Variants in SCAI observed in about 807,000 individuals in gnomAD.
SCAI encodes protein SCAI.
SCAI carries 24 observed loss-of-function variants against 92.2 expected under a neutral mutation model. That is an observed-to-expected ratio of 0.26 (90% CI 0.19 to 0.37). The LOEUF is 0.37. SCAI is among the 10% of genes least tolerant of loss of function. The pLI, the probability that SCAI is intolerant of heterozygous loss-of-function variation, is 1.00. For synonymous variants in SCAI, 261 were observed against 258.6 expected, an observed-to-expected ratio of 1.01 and a Z score of -0.09; for missense variants, 450 against 736.2, an observed-to-expected ratio of 0.61 and a Z score of 4.50.
At chr9:125,013,561 C>T (rs567501095) in intron 9 of SCAI, among the ~76,000 whole-genome samples, 15 of 152,278 alleles carry the variant, frequency 9.9e-5, no homozygotes, top group Middle Eastern at 3.4e-3. Flanking sequence ...CAAAAAGAGT[C>T]CAGGACCAGA....
intron 14 of SCAI, among the ~76,000 whole-genome samples, chr9:124,994,466 C>A (rs1307303105): frequency 6.6e-6 from 1 of 152,074 alleles, no homozygotes; most frequent in Non-Finnish European, 1.5e-5. Context: ...GTGATTGTCA[C>A]AAATTTTCAA....
At chr9:125,051,211 T>C (rs974906856) in intron 3 of SCAI, among the ~76,000 whole-genome samples, 7 of 151,460 alleles carry the variant, frequency 4.6e-5, no homozygotes, top group Admixed American at 1.3e-4. Context: ...TTAGTAGAGA[T>C]GGGGTTTCAC....
intron 12 of SCAI, among the ~76,000 whole-genome samples, chr9:125,000,697 A>G (rs1270058041): frequency 6.6e-6 from 1 of 152,064 alleles, no homozygotes; most frequent in South Asian, 2.1e-4. Flanking sequence ...TAAATGAGCC[A>G]CTAACTGTAA....
intron 17 of SCAI, chr9:124,968,431 A>G: frequency 9.2e-7 from 1 of 1,089,488 alleles, no homozygotes; most frequent in Non-Finnish European, 1.4e-6. Context: ...GTCCAGTCAT[A>G]ACGCTTGAGT....
intron 14 of SCAI, among the ~76,000 whole-genome samples, chr9:124,992,287 A>C (rs1004855481): frequency 6.6e-6 from 1 of 152,162 alleles, no homozygotes. Flanking sequence ...CTACATGCTT[A>C]AATTAAATGT....
At chr9:125,137,602 T>C (rs909754274) in intron 2 of SCAI, among the ~76,000 whole-genome samples, 3 of 152,100 alleles carry the variant, frequency 2.0e-5, no homozygotes, top group African/African-American at 7.2e-5. Flanking sequence ...TAAGAAGCAA[T>C]CTTTATTTAT....
intron 9 of SCAI, among the ~76,000 whole-genome samples, chr9:125,008,133 C>T (rs539174380): frequency 2.2e-4 from 34 of 151,416 alleles, no homozygotes; most frequent in Non-Finnish European, 4.9e-4. Context: ...GCGTGAGCCA[C>T]CGTGCCCGGC....
At chr9:125,039,315 A>C (rs1448613900) in intron 3 of SCAI, among the ~76,000 whole-genome samples, 1 of 151,622 alleles carries the variant, frequency 6.6e-6, no homozygotes, top group Admixed American at 6.6e-5. Context: ...TGAATCTGGG[A>C]AGTGGAGGCT....
intron 2 of SCAI, among the ~76,000 whole-genome samples, chr9:125,136,071 C>A (rs1044999666): frequency 2.0e-5 from 3 of 151,692 alleles, no homozygotes; most frequent in Non-Finnish European, 4.4e-5. Context: ...CATAGCAGAC[C>A]CGTTCAATCA....
chr9:124,963,561 C>T (rs1044770018), intron 17 of SCAI, among the ~76,000 whole-genome samples: 31 of 151,574 alleles, frequency 2.0e-4, no homozygotes, highest in African/African-American at 7.3e-4. Flanking sequence ...ACCAGGTTGG[C>T]CAACATGGCG....
chr9:124,973,650 T>A (rs919749587), intron 15 of SCAI, among the ~76,000 whole-genome samples: 2 of 151,742 alleles, frequency 1.3e-5, no homozygotes, highest in Admixed American at 1.3e-4. Context: ...GGCCAACATT[T>A]TTAGTCTCTC....
intron 2 of SCAI, among the ~76,000 whole-genome samples, chr9:125,059,733 T>C (rs527274326): frequency 6.6e-6 from 1 of 152,184 alleles, no homozygotes; most frequent in Non-Finnish European, 1.5e-5. Context: ...TCATTACTGG[T>C]AAATTACTCA....
chr9:125,054,835 G>A (rs1720369831), intron 3 of SCAI, among the ~76,000 whole-genome samples: 2 of 152,106 alleles, frequency 1.3e-5, no homozygotes, highest in Admixed American at 1.3e-4. Flanking sequence ...CAAGACATGG[G>A]CTTAAAAACT....
In SCAI at chr9:125,135,982, A is replaced by C. The variant is rs569877871; in HGVS notation, c.98+6651T>G. On this transcript the variant is annotated intron_variant, in intron 2 of 17. Coordinates refer to ENST00000336505, the MANE Select transcript of SCAI (RefSeq NM_001144877.3). ...AACTCCATCTCAAACAAAAAAAAAA[A>C]AAACAAAAAAAAAACCATAATTCTG... Among the ~76,000 whole-genome samples the C allele has an allele frequency of 3.6e-4, 54 of 151,936 alleles. No individual in the cohort carries two copies. The East Asian group carries it at 5.6e-3, about 16-fold the overall frequency.
intron 3 of SCAI, among the ~76,000 whole-genome samples, chr9:125,032,614 T>C (rs910160972): frequency 1.6e-5 from 2 of 125,870 alleles, no homozygotes; most frequent in Non-Finnish European, 3.3e-5. Flanking sequence ...ACTAATATTA[T>C]GCTTTTTTTT....
At chr9:125,125,561 G>A (rs962910582) in intron 2 of SCAI, among the ~76,000 whole-genome samples, 2 of 150,784 alleles carry the variant, frequency 1.3e-5, no homozygotes. Flanking sequence ...AAACTGAACT[G>A]CCCTTTAATC....
At chr9:124,976,285 C>A in intron 14 of SCAI, 99 bp from the exon 15 acceptor site, 1 of 783,746 alleles carries the variant, frequency 1.3e-6, no homozygotes. Context: ...AGATTGGGCC[C>A]TTAAACTCAT....
In SCAI at chr9:125,019,105, A is replaced by C; in HGVS notation, c.708+2T>G. 1 of 1,590,834 alleles carries C rather than the reference A, an allele frequency of 6.3e-7. No individual in the cohort carries two copies. Among genetic ancestry groups the C allele is most frequent in the Non-Finnish European group, 8.6e-7 (1 of 1,166,112 alleles). ...TTATGATTTTTCTTATCAAAAACTGACCTCAATGAAAGCTGCTACTTCTTG... is the reference window on the plus strand; with the variant it reads ...TTATGATTTTTCTTATCAAAAACTGCCCTCAATGAAAGCTGCTACTTCTTG... On this transcript the variant is annotated splice_donor_variant, in intron 8 of 17. Coordinates refer to ENST00000336505, the MANE Select transcript of SCAI (RefSeq NM_001144877.3). LOFTEE classifies it high-confidence loss of function.
chr9:125,004,779 ATTTTTT>A (rs869167558), intron 9 of SCAI, among the ~76,000 whole-genome samples: 8 of 13,170 alleles, frequency 6.1e-4, no homozygotes, highest in South Asian at 3.8e-3. Flanking sequence ...ATATATATAT[ATTTTTT>A]TTTTTTTTTT....
Sources: gnomAD v4.1 joint callset for allele counts (sites outside exome capture counted in the v4.1 genomes callset) on GRCh38, gnomAD v4.1.1 for gene constraint, MANE v1.5 for transcripts, NCBI Gene and HGNC (gene_info 2026-07-23, HGNC 2026-07-21) for gene names.